SOX5: variants seen among roughly 807,000 people sequenced by gnomAD.
SOX5 encodes SRY-box transcription factor 5.
SOX5 carries 9 observed loss-of-function variants against 92.0 expected under a neutral mutation model. The ratio of observed to expected loss-of-function variants is 0.10; its 90% CI spans 0.06 to 0.17. The LOEUF is 0.17. Among genes scored for constraint, SOX5 ranks in the 10% least tolerant of loss-of-function variants. SOX5 has a pLI of 1.00. For missense variants in SOX5, 642 were observed against 944.5 expected (o/e 0.68, Z 4.20); for synonymous variants, 344 against 336.3 (o/e 1.02, Z -0.25).
At chr12:24,245,527 T>C (rs1938515073) in intron 3 of SOX5, among the ~76,000 whole-genome samples, 1 of 152,140 alleles carries the variant, frequency 6.6e-6, no homozygotes, top group African/African-American at 2.4e-5. Context: ...TTGTCCTAAA[T>C]CCTGGGCACC....
chr12:24,125,765 G>A (rs545805913), intron 4 of SOX5, among the ~76,000 whole-genome samples: 7 of 152,190 alleles, frequency 4.6e-5, no homozygotes, highest in Admixed American at 1.3e-4. Flanking sequence ...TCTTTCCCTG[G>A]ATATCACTTT....
At chr12:24,063,924 G>C (rs1940200012) in intron 4 of SOX5, among the ~76,000 whole-genome samples, 1 of 152,084 alleles carries the variant, frequency 6.6e-6, no homozygotes, top group Admixed American at 6.5e-5. Context: ...GAGGTAATAA[G>C]TCAAATAATG....
chr12:24,403,703 G>A (rs1391553949), intron 1 of SOX5, among the ~76,000 whole-genome samples: 3 of 152,088 alleles, frequency 2.0e-5, no homozygotes, highest in African/African-American at 4.8e-5. Flanking sequence ...TTAAAATCAC[G>A]GTTAGATCCC....
At chr12:23,714,779 A>G (rs1157276257) in intron 6 of SOX5, among the ~76,000 whole-genome samples, 3 of 152,208 alleles carry the variant, frequency 2.0e-5, no homozygotes, top group Non-Finnish European at 4.4e-5. Context: ...GAAAACAAAT[A>G]CTTGCTTTTC....
At chr12:23,919,310 G>A (rs1325244855) in intron 1 of SOX5, among the ~76,000 whole-genome samples, 1 of 152,136 alleles carries the variant, frequency 6.6e-6, no homozygotes, top group East Asian at 1.9e-4. Context: ...GGAATGTCCA[G>A]GTTTTTAATG....
intron 2 of SOX5, among the ~76,000 whole-genome samples, chr12:24,299,249 T>C (rs1947677435): frequency 6.6e-6 from 1 of 152,186 alleles, no homozygotes. Flanking sequence ...CTGAGTAGCT[T>C]TGACTCTCAA....
intron 3 of SOX5, among the ~76,000 whole-genome samples, chr12:23,835,470 A>G (rs1038744036): frequency 5.3e-5 from 8 of 151,714 alleles, no homozygotes; most frequent in African/African-American, 1.9e-4. Context: ...TTTAATTCCT[A>G]TTATTCCACA....
At chr12:24,352,382 A>G (rs543271050) in intron 2 of SOX5, among the ~76,000 whole-genome samples, 1 of 152,326 alleles carries the variant, frequency 6.6e-6, no homozygotes, top group South Asian at 2.1e-4. Flanking sequence ...TTCTAAAAAA[A>G]AAGTTGAATA....
intron 4 of SOX5, among the ~76,000 whole-genome samples, chr12:23,966,727 T>C (rs1255875007): frequency 6.6e-6 from 1 of 152,174 alleles, no homozygotes; most frequent in Non-Finnish European, 1.5e-5. Context: ...CTTTGTAAAC[T>C]GGGGATAACA....
intron 1 of SOX5, among the ~76,000 whole-genome samples, chr12:24,556,501 C>T (rs374362782): frequency 1.3e-5 from 2 of 152,294 alleles, no homozygotes; most frequent in East Asian, 1.9e-4. Context: ...ATTGAAAACT[C>T]AGATGGATTT....
chr12:24,354,650 A>G (rs1382977592), intron 2 of SOX5, among the ~76,000 whole-genome samples: 1 of 152,234 alleles, frequency 6.6e-6, no homozygotes. Context: ...ACAGATGAAC[A>G]ATATTTTAGG....
At chr12:23,629,402 G>A (rs2078246817) in intron 8 of SOX5, among the ~76,000 whole-genome samples, 1 of 151,992 alleles carries the variant, frequency 6.6e-6, no homozygotes, top group Non-Finnish European at 1.5e-5. Flanking sequence ...ATTTTCAGTT[G>A]CTAGGATTCC....
At chr12:23,907,592 T>G (rs1242597535) in intron 1 of SOX5, among the ~76,000 whole-genome samples, 3 of 152,226 alleles carry the variant, frequency 2.0e-5, no homozygotes, top group African/African-American at 7.2e-5. Flanking sequence ...GTTATCCTTA[T>G]GAGAGTGTTT....
chr12:23,584,418 G>A (rs776922684), intron 9 of SOX5: 12 of 756,172 alleles, frequency 1.6e-5, no homozygotes, highest in Admixed American at 3.7e-5. Flanking sequence ...CTGGTTATAC[G>A]CAGATAGGCC....
chr12:23,701,859 T>C (rs2140218967), intron 6 of SOX5, among the ~76,000 whole-genome samples: 1 of 152,174 alleles, frequency 6.6e-6, no homozygotes, highest in Middle Eastern at 3.4e-3. Flanking sequence ...TTCTCTTCTA[T>C]TTCTCTTTGT....
At chr12:24,199,696 C>A (rs1457229733) in intron 4 of SOX5, among the ~76,000 whole-genome samples, 6 of 152,144 alleles carry the variant, frequency 3.9e-5, no homozygotes, top group Non-Finnish European at 7.4e-5. Context: ...GGAGACAAGA[C>A]TCTAACTCCT....
At chr12:24,206,581 G>A (rs531692345) in intron 4 of SOX5, among the ~76,000 whole-genome samples, 33 of 150,690 alleles carry the variant, frequency 2.2e-4, no homozygotes, top group Middle Eastern at 3.5e-3. Context: ...AACATCAACC[G>A]CCTCCCCCCA....
At chr12:24,473,988 T>A (rs528882251) in intron 1 of SOX5, among the ~76,000 whole-genome samples, 1 of 152,298 alleles carries the variant, frequency 6.6e-6, no homozygotes, top group South Asian at 2.1e-4. Context: ...CAAAAATGGA[T>A]CTAATAAAGA....
chr12:23,959,944 T>G (rs1946702087), intron 4 of SOX5, among the ~76,000 whole-genome samples: 1 of 152,214 alleles, frequency 6.6e-6, no homozygotes, highest in African/African-American at 2.4e-5. Flanking sequence ...AATACTTCCC[T>G]GCAGATAGAG....
Sources: allele counts gnomAD v4.1 joint callset (sites outside exome capture counted in the v4.1 genomes callset), GRCh38; gene constraint gnomAD v4.1.1; transcripts MANE v1.5; gene names NCBI Gene and HGNC (gene_info 2026-07-23, HGNC 2026-07-21).